RNF145: variants seen among roughly 807,000 people sequenced by gnomAD.
RNF145 encodes ring finger protein 145.
Under a neutral mutation model 57.3 loss-of-function variants are expected in RNF145, and 12 were observed. That is an observed-to-expected ratio of 0.21 (90% CI 0.13 to 0.34). The LOEUF (loss-of-function observed/expected upper bound fraction) is 0.34. RNF145 is among the 10% of genes least tolerant of loss of function. The probability of loss-of-function intolerance (pLI) is 1.00; values close to 1 mark genes in which losing one functional copy is unlikely to be tolerated. For synonymous variants in RNF145, 262 were observed against 288.3 expected (o/e 0.91, Z 0.92); for missense variants, 429 against 799.0 (o/e 0.54, Z 5.58).
chr5:159,166,696 T>C (rs1311134295), intron 8 of RNF145, among the ~76,000 whole-genome samples: 1 of 152,218 alleles, frequency 6.6e-6, no homozygotes, highest in African/African-American at 2.4e-5. Flanking sequence ...TAAGCCAACA[T>C]TACAAATGCC....
At chr5:159,203,756 A>G in intron 1 of RNF145, 100 bp from the exon 2 acceptor site, 1 of 706,716 alleles carries the variant, frequency 1.4e-6, no homozygotes, top group Non-Finnish European at 2.3e-6. Context: ...CACTGTACAA[A>G]ACTATGTGAG....
chr5:159,201,249 AT>A (rs527992464), intron 2 of RNF145, among the ~76,000 whole-genome samples: 52 of 152,172 alleles, frequency 3.4e-4, no homozygotes, highest in Non-Finnish European at 6.9e-4. Context: ...GTATGCGCAG[AT>A]TTTGGTATAC....
intron 1 of RNF145, among the ~76,000 whole-genome samples, chr5:159,204,552 TC>T: frequency 6.6e-6 from 1 of 152,204 alleles, no homozygotes. Context: ...ACGCCTGTAA[TC>T]CCAGCACTTT....
chr5:159,176,683 A>C lies in RNF145; in HGVS notation c.570T>G (p.Asn190Lys). The change falls in exon 5 of 11, where the codon AAT becomes AAG. Residue 190 changes from asparagine to lysine, a missense_variant. By Grantham distance (94) the Asn-to-Lys change is moderately conservative (BLOSUM62 0). Coordinates refer to ENST00000424310, the MANE Select transcript of RNF145 (RefSeq NM_001199383.2). The stretch of plus-strand genomic sequence containing the variant: ...TAGCAAGGTTATAAGGTACCAAAAG[A>C]TTAGACCCAAGAAAATAGAGAACTT... Reference protein sequence around the residue: ...GLEVLYFLGSNLLVPYNLAKS... With the variant: ...GLEVLYFLGSKLLVPYNLAKS... 1 of 1,612,464 alleles carries C rather than the reference A, an allele frequency of 6.2e-7. No individual in the cohort carries two copies. The highest frequency in any genetic ancestry group is 8.5e-7 in the Non-Finnish European group (1 of 1,178,784).
Position 159,209,401 on chromosome 5 carries a change from G to A in RNF145, c.-210C>T. ...CCGAGCCTCGGATGTTGCTTCTGGGGAGGCGGAGGCAGCGGCAGCGGCAGC... is the reference window on the plus strand; with the variant it reads ...CCGAGCCTCGGATGTTGCTTCTGGGAAGGCGGAGGCAGCGGCAGCGGCAGC... On this transcript the variant is annotated 5_prime_UTR_variant, in exon 1 of 11. Coordinates refer to ENST00000424310, the MANE Select transcript of RNF145 (RefSeq NM_001199383.2). The A allele has an allele frequency of 4.1e-6, 4 of 982,486 alleles. No individual in the cohort carries two copies. The highest frequency in any genetic ancestry group is 3.6e-6 in the Non-Finnish European group (3 of 827,502). 60.9% of individuals were successfully genotyped at this position (982,486 alleles called of 1,614,324 possible). A position where few individuals can be genotyped will look rare whatever the true frequency, so the allele number is the denominator to read the frequency against.
At chr5:159,161,685 G>T in intron 9 of RNF145, 63 bp from the exon 10 acceptor site, 1 of 923,898 alleles carries the variant, frequency 1.1e-6, no homozygotes, top group Non-Finnish European at 1.7e-6. Context: ...TTTTTCATAG[G>T]CTTTAAACAA....
chr5:159,203,507 C>G lies in RNF145; in HGVS notation c.111G>C (p.Gln37His), dbSNP rs1418174635. The change falls in exon 2 of 11, where the codon CAG (glutamine) becomes CAC (histidine). Residue 37 changes from glutamine to histidine, a missense_variant. This residue lies in a region of RNF145 where 109 missense variants were observed against 207.2 expected (regional missense o/e 0.53). Transcript: ENST00000424310. ...YRWDVSSFFQQIQRSSLSNNP... is the reference protein window; with the variant it reads ...YRWDVSSFFQHIQRSSLSNNP... ...TATTACTAAGGCTACTTCTTTGGAT[C>G]TGCTGGAAAAAGGAGCTGACATCCC... is the stretch of plus-strand genomic sequence containing the variant. The G allele has an allele frequency of 6.2e-7, 1 of 1,614,008 alleles. No individual in the cohort carries two copies. Among genetic ancestry groups the G allele is most frequent in the East Asian group, 2.2e-5 (1 of 44,882 alleles).
chr5:159,206,526 T>C (rs561289532), intron 1 of RNF145, among the ~76,000 whole-genome samples: 1 of 152,328 alleles, frequency 6.6e-6, no homozygotes, highest in African/African-American at 2.4e-5. Context: ...TTGCAAGTAC[T>C]TGCAATTACT....
At chr5:159,186,130 C>T (rs10041650) in intron 3 of RNF145, among the ~76,000 whole-genome samples, 115,744 of 151,978 alleles carry the variant, frequency 0.76, 44,992 homozygotes, top group African/African-American at 0.93. Flanking sequence ...GAGGCTGAGG[C>T]GGGAGAATTG....
In RNF145 at chr5:159,186,021, C is replaced by T. The variant is rs780817560; in HGVS notation, c.294-3970G>A. On this transcript the variant is annotated intron_variant, in intron 3 of 10. Coordinates refer to ENST00000424310, the MANE Select transcript of RNF145 (RefSeq NM_001199383.2). ...GACGGCTCACTTGAGCCCAGGAGTT[C>T]GAGAGCAGCCTGGACAACACGGTGA... 7.9e-5 allele frequency among the ~76,000 whole-genome samples: 12 copies of T among 152,076 alleles called. No individual in the cohort carries two copies. In the South Asian group the frequency reaches 1.4e-3, roughly 18 times the overall value.
At chr5:159,196,463 C>A (rs571333006) in intron 2 of RNF145, among the ~76,000 whole-genome samples, 1 of 152,198 alleles carries the variant, frequency 6.6e-6, no homozygotes, top group Non-Finnish European at 1.5e-5. Flanking sequence ...CAATCTGGAC[C>A]CAGTCTACTC....
At chr5:159,167,441 C>A (rs1461088236) in intron 8 of RNF145, among the ~76,000 whole-genome samples, 1 of 152,182 alleles carries the variant, frequency 6.6e-6, no homozygotes, top group African/African-American at 2.4e-5. Flanking sequence ...AGTTCAGTAT[C>A]CTGGGAAGAC....
At chr5:159,181,315 G>GA (rs1208411111) in intron 4 of RNF145, among the ~76,000 whole-genome samples, 1 of 151,782 alleles carries the variant, frequency 6.6e-6, no homozygotes, top group African/African-American at 2.4e-5. Context: ...AAGTATTTCA[G>GA]AAAAAAAGAG....
chr5:159,209,213 G>A lies in RNF145; in HGVS notation c.-40+18C>T, dbSNP rs1786019138. ...GGGGCGCGGGGATGGGAAGGGGCCG[G>A]GCGGGCGGCGTGGTCACCTCAGGCT... On this transcript the variant is annotated intron_variant, in intron 1 of 10. Coordinates refer to ENST00000424310, the MANE Select transcript of RNF145 (RefSeq NM_001199383.2). 5.0e-5 allele frequency: 49 copies of A among 980,576 alleles called. No individual in the cohort carries two copies. The highest frequency in any genetic ancestry group is 5.9e-5 in the Non-Finnish European group (49 of 825,744). The allele number at this position is 980,576 out of a possible 1,614,324, so 60.7% of individuals were successfully genotyped here.
chr5:159,206,561 T>C (rs538000186), intron 1 of RNF145, among the ~76,000 whole-genome samples: 2 of 152,164 alleles, frequency 1.3e-5, no homozygotes, highest in Non-Finnish European at 1.5e-5. Flanking sequence ...CACTATATCA[T>C]ACAAACACGA....
rs1785958241 is a variant in RNF145, at chr5:159,207,960, A to G, written c.-40+1271T>C. ...CTCATTCTTTTGGGCATGATTCAAG[A>G]TTCAGTAAAACTGCACACTCCGTAT... On this transcript the variant is annotated intron_variant, in intron 1 of 10. Coordinates refer to ENST00000424310, the MANE Select transcript of RNF145 (RefSeq NM_001199383.2). 3 of 1,597,584 alleles carry G rather than the reference A, an allele frequency of 1.9e-6. No individual in the cohort carries two copies. The Admixed American group carries it at 5.2e-5, about 28-fold the overall frequency.
chr5:159,194,700 G>T lies in RNF145; in HGVS notation c.293+16C>A, dbSNP rs774589118. The T allele has an allele frequency of 2.1e-6, 3 of 1,403,226 alleles. No homozygotes were observed. The highest frequency in any genetic ancestry group is 2.0e-6 in the Non-Finnish European group (2 of 997,574). The allele number at this position is 1,403,226 out of a possible 1,614,324, so 86.9% of individuals were successfully genotyped here. ...AAATTCAATCATACATTTCAAAAATGGGGTCATATTCTTACCTGGAAATTT... is the reference window on the plus strand; with the variant it reads ...AAATTCAATCATACATTTCAAAAATTGGGTCATATTCTTACCTGGAAATTT... On this transcript the variant is annotated intron_variant, in intron 3 of 10. Transcript: ENST00000424310.
At chr5:159,176,043 T>A (rs1231438470) in intron 5 of RNF145, among the ~76,000 whole-genome samples, 1 of 152,132 alleles carries the variant, frequency 6.6e-6, no homozygotes, top group Non-Finnish European at 1.5e-5. Context: ...ACAAAAAGCA[T>A]GTTATGTTGG....
chr5:159,169,877 T>G, intron 6 of RNF145, 58 bp from the exon 7 acceptor site: 2 of 1,353,474 alleles, frequency 1.5e-6, no homozygotes, highest in East Asian at 2.6e-5. Context: ...AGTAAACACA[T>G]TTGAGGCCTT....
Sources: gnomAD v4.1 joint callset for allele counts (sites outside exome capture counted in the v4.1 genomes callset) on GRCh38, gnomAD v4.1.1 for gene constraint, gnomAD v4.1.1 regional missense constraint, MANE v1.5 for transcripts, NCBI Gene and HGNC (gene_info 2026-07-23, HGNC 2026-07-21) for gene names.